Variants in ATG2B observed in about 807,000 individuals in gnomAD.
ATG2B encodes autophagy related 2B.
A neutral mutation model predicts 241.3 loss-of-function variants in ATG2B; 121 were observed. The observed-to-expected ratio is 0.50, with a 90% CI of 0.43 to 0.58. ATG2B has a LOEUF of 0.58. Ranked by LOEUF, ATG2B falls within the 20% of genes least tolerant of loss-of-function variation. The pLI is 0.00. For synonymous variants in ATG2B, 858 were observed against 876.6 expected (o/e 0.98, Z 0.37); for missense variants, 2,306 against 2,491.6 (o/e 0.93, Z 1.59).
rs1886149651 is a variant in ATG2B, at chr14:96,279,790, T to C, written c.*5965A>G. 1 of 152,050 alleles carries C rather than the reference T, an allele frequency of 6.6e-6. No individual in the cohort carries two copies. Among genetic ancestry groups the C allele is most frequent in the Admixed American group, 6.5e-5 (1 of 15,268 alleles). The allele number at this position is 152,050 out of a possible 1,614,324, so 9.4% of individuals were successfully genotyped here. ...GATTTTTAACAGGGGATTTTTGTCA[T>C]ATTTGGCATATTTGGCCATGTCTGG... On this transcript the variant is annotated 3_prime_UTR_variant, in exon 42 of 42. Coordinates refer to ENST00000359933, the MANE Select transcript of ATG2B (RefSeq NM_018036.7).
intron 4 of ATG2B, among the ~76,000 whole-genome samples, chr14:96,344,161 T>A (rs1812476140): frequency 6.6e-6 from 1 of 152,236 alleles, no homozygotes; most frequent in Admixed American, 6.5e-5. Context: ...GCAACGTACT[T>A]ATATTTTTTT....
rs540182173 is a variant in ATG2B at position 96,343,382 on chromosome 14, T to C, written c.582-101A>G. ...GTAACTAACCTGCACATTGTGCACA[T>C]GTACCCTAAAACTTAAAGTATAATA... On this transcript the variant is annotated intron_variant, in intron 4 of 41. Transcript: ENST00000359933. The C allele has an allele frequency of 4.5e-5, 22 of 490,404 alleles. No individual in the cohort carries two copies. The Admixed American group carries it at 8.1e-4, about 18-fold the overall frequency. The allele number at this position is 490,404 out of a possible 1,614,324, so 30.4% of individuals were successfully genotyped here.
At chr14:96,318,810 C>T (rs923563433) in intron 18 of ATG2B, among the ~76,000 whole-genome samples, 1 of 152,170 alleles carries the variant, frequency 6.6e-6, no homozygotes, top group African/African-American at 2.4e-5. Context: ...TTCTAGTAAA[C>T]CCATCGTAAG....
chr14:96,341,413 AC>A (rs1360783619), intron 6 of ATG2B, 108 bp downstream of exon 6: 6 of 814,882 alleles, frequency 7.4e-6, no homozygotes, highest in African/African-American at 3.5e-5. Flanking sequence ...ACAGCAGTAC[AC>A]TAGTTACAGG....
rs772600400 is a variant in ATG2B, at chr14:96,317,150, C to T, written c.3205G>A (p.Val1069Met). 1.1e-5 allele frequency: 17 copies of T among 1,605,444 alleles called. No individual in the cohort carries two copies. In the South Asian group the frequency reaches 1.6e-4, roughly 15 times the overall value. The part of the protein sequence containing the change: ...NHGLIAVFTD[V>M]KQDNGDLLEN... ...TTCGGATTTGTAAACCTCACCTTCA[C>T]ATCTGTGAACACTGCTATTAATCCA... Residue 1069 changes from valine to methionine, a missense_variant, in exon 20 of 42, where the codon GTG (valine) becomes ATG (methionine). Val to Met is a conservative substitution (Grantham distance 21). Coordinates refer to ENST00000359933, the MANE Select transcript of ATG2B (RefSeq NM_018036.7).
At position 96,341,619 on chromosome 14, in the gene ATG2B, T is replaced by C. The variant is rs753068389; in HGVS notation, c.827A>G (p.Glu276Gly). 1 of 1,604,066 alleles carries C rather than the reference T, an allele frequency of 6.2e-7. No homozygotes were observed. The highest frequency in any genetic ancestry group is 1.1e-5 in the South Asian group (1 of 89,348). ...CTGCACTGGGTCAGAAGGTGCTATC[T>C]CTGGTAAATTTCTAGTTAGCTGTGG... is the stretch of plus-strand genomic sequence containing the variant. ...PHPQLTRNLP[E>G]IAPSDPVQIG... The change falls in exon 6 of 42, where the codon GAG (glutamate) becomes GGG (glycine). Residue 276 changes from glutamate (E) to glycine (G), a missense_variant. Coordinates refer to ENST00000359933, the MANE Select transcript of ATG2B (RefSeq NM_018036.7).
Position 96,311,382 on chromosome 14 carries a change from A to T in ATG2B, c.3991-95T>A, listed in dbSNP as rs900176562. ...ATTTACATTAAATAAGATTCATGAT[A>T]ATCTGTCTCGCTACATAAAAAAAGT... is the stretch of plus-strand genomic sequence containing the variant. On this transcript the variant is annotated intron_variant, in intron 27 of 41. Transcript: ENST00000359933. 6.2e-6 allele frequency: 8 copies of T among 1,288,050 alleles called. No individual in the cohort carries two copies. In the African/African-American group the frequency reaches 7.5e-5, roughly 12 times the overall value. 79.8% of individuals were successfully genotyped at this position (1,288,050 alleles called of 1,614,324 possible). A position where few individuals can be genotyped will look rare whatever the true frequency, so the allele number is the denominator to read the frequency against.
At chr14:96,331,860 C>A (rs1316001420) in intron 10 of ATG2B, among the ~76,000 whole-genome samples, 1 of 152,076 alleles carries the variant, frequency 6.6e-6, no homozygotes, top group Non-Finnish European at 1.5e-5. Flanking sequence ...AGTAAATGTA[C>A]AAACCAAGCT....
Position 96,289,128 on chromosome 14 carries a change from C to T in ATG2B, c.6006+528G>A, listed in dbSNP as rs148048949. Among the ~76,000 whole-genome samples, 648 of 152,268 alleles carry T rather than the reference C, an allele frequency of 4.3e-3. 26 individuals are homozygous for T. In the South Asian group the frequency reaches 0.067, roughly 16 times the overall value. On this transcript the variant is annotated intron_variant, in intron 41 of 41. Coordinates refer to ENST00000359933, the MANE Select transcript of ATG2B (RefSeq NM_018036.7). The surrounding 1 kb of genome is among the most constrained non-coding windows in gnomAD (Gnocchi z 4.3). ...TTGAAATAAGTTGCAGAATGAGACACATAACACCATTTACGGAAACTTTTA... is the reference window on the plus strand; with the variant it reads ...TTGAAATAAGTTGCAGAATGAGACATATAACACCATTTACGGAAACTTTTA...
intron 6 of ATG2B, among the ~76,000 whole-genome samples, chr14:96,339,128 T>C (rs976045817): frequency 1.3e-5 from 2 of 151,972 alleles, no homozygotes; most frequent in African/African-American, 2.4e-5. Context: ...CAAAAAACAA[T>C]AGATGTTGGG....
At position 96,299,897 on chromosome 14, in the gene ATG2B, T is replaced by C. The variant is rs574071073; in HGVS notation, c.5139+2110A>G. On this transcript the variant is annotated intron_variant, in intron 34 of 41. Coordinates refer to ENST00000359933, the MANE Select transcript of ATG2B (RefSeq NM_018036.7). ...GCATTATCATTCACCAACTGATTTGTTTTCACAAGAAAAAATAAACAAAAA... is the reference window on the plus strand; with the variant it reads ...GCATTATCATTCACCAACTGATTTGCTTTCACAAGAAAAAATAAACAAAAA... Among the ~76,000 whole-genome samples, 6 of 152,328 alleles carry C rather than the reference T, an allele frequency of 3.9e-5. No homozygotes were observed. In the South Asian group the frequency reaches 1.2e-3, roughly 32 times the overall value.
intron 1 of ATG2B, among the ~76,000 whole-genome samples, chr14:96,361,256 G>GA (rs536913088): frequency 1.2e-3 from 180 of 152,288 alleles, no homozygotes; most frequent in Middle Eastern, 3.4e-3. Context: ...CCTCACAAAT[G>GA]AAAGTGCCTA....
At chr14:96,287,902 C>T (rs1306556896) in intron 41 of ATG2B, among the ~76,000 whole-genome samples, 1 of 152,206 alleles carries the variant, frequency 6.6e-6, no homozygotes, top group Non-Finnish European at 1.5e-5. Flanking sequence ...AGTCTGCCAA[C>T]TTCTGATCTA....
intron 1 of ATG2B, among the ~76,000 whole-genome samples, chr14:96,354,797 G>C (rs1222867063): frequency 6.6e-6 from 1 of 151,902 alleles, no homozygotes; most frequent in Non-Finnish European, 1.5e-5. Context: ...TTTTGTTTTT[G>C]TTGTTATTGT....
At chr14:96,317,338 A>G in intron 19 of ATG2B, 21 bp from the exon 20 acceptor site, 2 of 1,583,234 alleles carry the variant, frequency 1.3e-6, no homozygotes, top group Non-Finnish European at 1.7e-6. Flanking sequence ...TAAACATACA[A>G]TTACATTCTG....
chr14:96,319,985 C>T (rs1261431750), intron 18 of ATG2B, among the ~76,000 whole-genome samples: 1 of 151,992 alleles, frequency 6.6e-6, no homozygotes, highest in African/African-American at 2.4e-5. Context: ...ATTCTAGGGG[C>T]CTGAGAGACC....
At chr14:96,305,980 T>C (rs1425936447) in intron 30 of ATG2B, among the ~76,000 whole-genome samples, 165 bp from the exon 31 acceptor site, 1 of 152,232 alleles carries the variant, frequency 6.6e-6, no homozygotes, top group East Asian at 1.9e-4. Context: ...GATATTCTGC[T>C]TTATTAACCA....
At chr14:96,339,125 C>T (rs577484913) in intron 6 of ATG2B, among the ~76,000 whole-genome samples, 2 of 152,086 alleles carry the variant, frequency 1.3e-5, no homozygotes, top group Non-Finnish European at 2.9e-5. Context: ...AGTCAAAAAA[C>T]AATAGATGTT....
rs781546699 is a variant in ATG2B, at chr14:96,328,361, T to C, written c.2149A>G (p.Lys717Glu). ...TGAATACTTACCAGACTAATATGTT[T>C]ATTATATGAAGTATACATGTGGGAT... ...MASHMYTSYNKHISLHKAFTE... is the reference protein window; with the variant it reads ...MASHMYTSYNEHISLHKAFTE... Residue 717 changes from lysine to glutamate, a missense_variant, in exon 14 of 42, where the codon AAA (lysine) becomes GAA (glutamate). Physicochemically the swap from Lys to Glu is moderately conservative, Grantham distance 56. Around this residue, in one of 2 missense-constraint regions of ATG2B, gnomAD observed 1,927 missense variants for 2,011.2 expected, o/e 0.96. Transcript: ENST00000359933. 2.9e-5 allele frequency: 47 copies of C among 1,606,196 alleles called. No individual in the cohort carries two copies. The highest frequency in any genetic ancestry group is 3.9e-5 in the Non-Finnish European group (46 of 1,176,888).
Sources: gnomAD v4.1 joint callset for allele counts (sites outside exome capture counted in the v4.1 genomes callset) on GRCh38, gnomAD v4.1.1 for gene constraint, gnomAD v4.1.1 regional missense constraint, Gnocchi (gnomAD v3.1) non-coding constraint, MANE v1.5 for transcripts, NCBI Gene and HGNC (gene_info 2026-07-23, HGNC 2026-07-21) for gene names.